The following MASP1 variants were observed in gnomAD, a reference collection of about 807,000 sequenced individuals.
MASP1 encodes mannan-binding lectin serine protease 1.
Under a neutral mutation model 77.1 loss-of-function variants are expected in MASP1, and 59 were observed. That is an observed-to-expected ratio of 0.77 (90% CI 0.62 to 0.95). The LOEUF is 0.95. Among genes scored for constraint, MASP1 ranks in the 40% least tolerant of loss-of-function variants. The pLI, the probability that MASP1 is intolerant of heterozygous loss-of-function variation, is 0.00. For synonymous variants in MASP1, 362 were observed against 354.5 expected (o/e 1.02, Z -0.24); for missense variants, 885 against 912.9 (o/e 0.97, Z 0.39).
chr3:187,236,808 G>A (rs1713227898), intron 10 of MASP1, among the ~76,000 whole-genome samples: 2 of 152,172 alleles, frequency 1.3e-5, no homozygotes, highest in South Asian at 2.1e-4. Flanking sequence ...TCTCTGGACT[G>A]GACCACTCTG....
intron 2 of MASP1, among the ~76,000 whole-genome samples, chr3:187,267,509 C>A (rs142717273): frequency 1.6e-4 from 24 of 152,350 alleles, no homozygotes; most frequent in Admixed American, 2.6e-4. Context: ...ATAGTCATTA[C>A]TCACTGAAGG....
At chr3:187,241,444 GA>G (rs1304660871) in intron 10 of MASP1, 36 bp downstream of exon 10, 4 of 1,583,338 alleles carry the variant, frequency 2.5e-6, no homozygotes, top group East Asian at 4.5e-5. Flanking sequence ...GCCTTGGATG[GA>G]AAACTGTGAG....
chr3:187,279,528 T>C (rs745848719), intron 2 of MASP1, among the ~76,000 whole-genome samples: 22 of 152,242 alleles, frequency 1.4e-4, no homozygotes, highest in Admixed American at 7.9e-4. Context: ...ATCTGTGAAA[T>C]TAATTCAACC....
At chr3:187,219,786 A>G (rs1711927104) in exon 16 of MASP1, 2 of 484,604 alleles carry the variant, frequency 4.1e-6, no homozygotes, top group Non-Finnish European at 7.6e-6. Flanking sequence ...TAGCATTTCC[A>G]TCTTATGAAG....
chr3:187,244,753 A>G (rs955387255), intron 8 of MASP1: 1 of 152,238 alleles, frequency 6.6e-6, no homozygotes, highest in Admixed American at 6.5e-5. Flanking sequence ...GGCCTATTCT[A>G]GGTACTAGCT....
chr3:187,226,838 C>G (rs1712466401), intron 11 of MASP1, among the ~76,000 whole-genome samples: 1 of 152,168 alleles, frequency 6.6e-6, no homozygotes, highest in Non-Finnish European at 1.5e-5. Context: ...GCACAGAAAG[C>G]CTGTGGTCAA....
downstream of MASP1, among the ~76,000 whole-genome samples, chr3:187,230,607 G>C (rs1246462776): frequency 6.6e-6 from 1 of 152,154 alleles, no homozygotes; most frequent in Non-Finnish European, 1.5e-5. Context: ...GGGCCTTGTG[G>C]AGTTGAAGAT....
rs773128736 is a variant in MASP1, at chr3:187,262,516, T to G, written c.415+27A>C. ...ATCTTCGGAGAGAGAGAGAGAGACC[T>G]GAGGATGAGTCACTTCTCCAACTTA... On this transcript the variant is annotated intron_variant, in intron 3 of 10. Transcript: ENST00000296280. 30 of 1,611,500 alleles carry G rather than the reference T, an allele frequency of 1.9e-5. No homozygotes were observed. The South Asian group carries it at 3.2e-4, about 17-fold the overall frequency.
chr3:187,229,797 G>C, downstream of MASP1: 1 of 1,614,174 alleles, frequency 6.2e-7, no homozygotes, highest in Non-Finnish European at 8.5e-7. Context: ...GCCCATTCAG[G>C]TGTGACAGCA....
intron 4 of MASP1, among the ~76,000 whole-genome samples, chr3:187,258,994 T>C (rs1429628270): frequency 6.6e-6 from 1 of 152,206 alleles, no homozygotes; most frequent in Non-Finnish European, 1.5e-5. Context: ...TTTTAACAGC[T>C]CCCTATATTG....
At position 187,247,168 on chromosome 3, in the gene MASP1, G is replaced by A. The variant is rs1023394990; in HGVS notation, c.1090+3083C>T. On this transcript the variant is annotated intron_variant, in intron 8 of 10. Coordinates refer to ENST00000296280, the MANE Select transcript of MASP1 (RefSeq NM_139125.4). ...AAGTGGAGAATTTGCTTTCACACAC[G>A]TAGCAGCTTCAACTGCTGAGATCAT... 15 of 1,505,996 alleles carry A rather than the reference G, an allele frequency of 1.0e-5. No homozygotes were observed. In the Admixed American group the frequency reaches 1.0e-4, roughly 10 times the overall value. The allele number at this position is 1,505,996 out of a possible 1,614,324, so 93.3% of individuals were successfully genotyped here. A position where few individuals can be genotyped will look rare whatever the true frequency, so the allele number is the denominator to read the frequency against.
At chr3:187,251,471 G>A (rs944091328) in intron 7 of MASP1, 163 bp downstream of exon 7, 16 of 666,030 alleles carry the variant, frequency 2.4e-5, no homozygotes, top group African/African-American at 1.6e-4. Flanking sequence ...CGCCTGGGAC[G>A]CATGCTTTGG....
intron 6 of MASP1, among the ~76,000 whole-genome samples, chr3:187,252,201 G>A (rs1283440251): frequency 6.6e-6 from 1 of 152,158 alleles, no homozygotes. Context: ...GCAGCTCAGG[G>A]ACACAGTGAC....
chr3:187,288,122 T>G lies in MASP1; in HGVS notation c.6-2066A>C, dbSNP rs186672662. ...TAAAAAGAAAATACATTTATTTAATTTTTTTCAAGGTCCCTACAATAGCAA... is the reference window on the plus strand; with the variant it reads ...TAAAAAGAAAATACATTTATTTAATGTTTTTCAAGGTCCCTACAATAGCAA... On this transcript the variant is annotated intron_variant, in intron 1 of 10. Coordinates refer to ENST00000296280, the MANE Select transcript of MASP1 (RefSeq NM_139125.4). Among the ~76,000 whole-genome samples the G allele has an allele frequency of 5.3e-5, 8 of 152,338 alleles. No individual in the cohort carries two copies. The East Asian group carries it at 1.5e-3, about 29-fold the overall frequency.
chr3:187,226,469 G>C, exon 12 of MASP1: 1 of 1,613,042 alleles, frequency 6.2e-7, no homozygotes, highest in South Asian at 1.1e-5. Context: ...CGGATCTTCC[G>C]GATCGAGTGA....
intron 10 of MASP1, 49 bp downstream of exon 10, chr3:187,241,432 G>A (rs544517871): frequency 1.3e-6 from 2 of 1,508,082 alleles, no homozygotes; most frequent in African/African-American, 1.4e-5. Context: ...TGGGGTCCTA[G>A]GGCCTTGGAT....
chr3:187,278,958 A>G (rs1279981282), intron 2 of MASP1, among the ~76,000 whole-genome samples: 1 of 152,144 alleles, frequency 6.6e-6, no homozygotes, highest in African/African-American at 2.4e-5. Context: ...CGACTGTGTC[A>G]CATCCCCGAA....
chr3:187,229,973 C>T (rs1459957657), downstream of MASP1: 6 of 1,564,130 alleles, frequency 3.8e-6, no homozygotes, highest in Non-Finnish European at 5.3e-6. Flanking sequence ...CTCCCAGCTC[C>T]TCACCCTGTT....
intron 10 of MASP1, among the ~76,000 whole-genome samples, 190 bp from the exon 11 acceptor site, chr3:187,236,757 G>C (rs1026044413): frequency 6.6e-6 from 1 of 152,150 alleles, no homozygotes; most frequent in African/African-American, 2.4e-5. Flanking sequence ...GTCTCTCTAG[G>C]CTGGCCCATC....
Sources: allele counts gnomAD v4.1 joint callset (sites outside exome capture counted in the v4.1 genomes callset), GRCh38; gene constraint gnomAD v4.1.1; transcripts MANE v1.5; gene names NCBI Gene and HGNC (gene_info 2026-07-23, HGNC 2026-07-21).